Variants in KCTD19 observed in about 807,000 individuals in gnomAD.
The protein encoded by KCTD19 is BTB/POZ domain-containing protein KCTD19.
Under a neutral mutation model 103.5 loss-of-function variants are expected in KCTD19, and 67 were observed. The observed-to-expected ratio is 0.65, with a 90% CI of 0.53 to 0.79. The LOEUF (loss-of-function observed/expected upper bound fraction) is 0.79, where lower values mean the gene tolerates loss of function less well. Ranked by LOEUF, KCTD19 falls within the 30% of genes least tolerant of loss-of-function variation. The pLI, the probability that KCTD19 is intolerant of heterozygous loss-of-function variation, is 0.00. For synonymous variants in KCTD19, 439 were observed against 452.2 expected (o/e 0.97, Z 0.37); for missense variants, 980 against 1,136.1 (o/e 0.86, Z 1.98).
chr16:67,325,524 G>T (rs923890241), intron 1 of KCTD19, among the ~76,000 whole-genome samples: 1 of 151,786 alleles, frequency 6.6e-6, no homozygotes, highest in Non-Finnish European at 1.5e-5. Context: ...TTACAGACGT[G>T]AGCCACCACG....
rs765495942 is a variant in KCTD19, at chr16:67,297,542, G to A, written c.1108C>T (p.His370Tyr). The change falls in exon 7 of 16, where the codon CAT (histidine) becomes TAT (tyrosine). Residue 370 changes from histidine to tyrosine, a missense_variant. Physicochemically the swap from His to Tyr is moderately conservative, Grantham distance 83 (BLOSUM62 2). Coordinates refer to ENST00000304372, the MANE Select transcript of KCTD19 (RefSeq NM_001100915.3). ...GGTGCCAAAGTCCTTGGCTCCAGAT[G>A]AGTCTTCAAAGCAACTTTGATTGGC... is the stretch of plus-strand genomic sequence containing the variant. ...YEPIKVALKT[H>Y]LEPRTLAPMD... The A allele has an allele frequency of 1.4e-5, 23 of 1,614,090 alleles. No homozygotes were observed. The South Asian group carries it at 2.5e-4, about 18-fold the overall frequency.
chr16:67,295,978 C>T (rs1264196834), intron 8 of KCTD19, 181 bp downstream of exon 8: 9 of 569,188 alleles, frequency 1.6e-5, no homozygotes, highest in South Asian at 3.8e-5. Context: ...CTCCTGATCT[C>T]GTGATCTGCC....
intron 2 of KCTD19, among the ~76,000 whole-genome samples, chr16:67,315,337 A>C (rs1597399432): frequency 1.4e-5 from 2 of 143,794 alleles, no homozygotes; most frequent in African/African-American, 2.6e-5. Flanking sequence ...GGATAGTCTC[A>C]CTCTGTTGCC....
chr16:67,323,584 C>T lies in KCTD19; in HGVS notation c.4-2699G>A, dbSNP rs766925162. ...ACATGATAACAACATGGATGAAATT[C>T]GAAACATTATGCCAAGGGAAAGAAG... On this transcript the variant is annotated intron_variant, in intron 1 of 15. Transcript: ENST00000304372. The surrounding 1 kb of genome is among the most constrained non-coding windows in gnomAD (Gnocchi z 4.1). 2.6e-5 allele frequency among the ~76,000 whole-genome samples: 4 copies of T among 152,012 alleles called. No individual in the cohort carries two copies. The highest frequency in any genetic ancestry group is 4.8e-5 in the African/African-American group (2 of 41,376).
intron 2 of KCTD19, among the ~76,000 whole-genome samples, chr16:67,304,936 G>A (rs1280120796): frequency 6.6e-6 from 1 of 152,124 alleles, no homozygotes; most frequent in East Asian, 1.9e-4. Flanking sequence ...CCAAAGGGTT[G>A]AGATTACGGG....
chr16:67,325,525 A>G (rs2037141826), intron 1 of KCTD19, among the ~76,000 whole-genome samples: 1 of 151,754 alleles, frequency 6.6e-6, no homozygotes, highest in Non-Finnish European at 1.5e-5. Context: ...TACAGACGTG[A>G]GCCACCACGC....
intron 2 of KCTD19, among the ~76,000 whole-genome samples, chr16:67,312,751 A>G (rs2036962016): frequency 6.6e-6 from 1 of 152,162 alleles, no homozygotes; most frequent in African/African-American, 2.4e-5. Flanking sequence ...CATTCAATTC[A>G]TCAGCAAACC....
At chr16:67,302,351 A>C (rs937337363) in intron 4 of KCTD19, 5 of 188,654 alleles carry the variant, frequency 2.7e-5, no homozygotes, top group African/African-American at 1.2e-4. Context: ...TATGGGAGGC[A>C]GAGATGGAGC....
chr16:67,302,973 A>G (rs774125758), intron 4 of KCTD19, 173 bp downstream of exon 4: 23 of 616,490 alleles, frequency 3.7e-5, no homozygotes, highest in Non-Finnish European at 5.7e-5. Context: ...GTGAGATTCT[A>G]ATGCTGGAAT....
Position 67,313,925 on chromosome 16 carries a change from C to T in KCTD19, c.300+6664G>A, listed in dbSNP as rs758775415. On this transcript the variant is annotated intron_variant, in intron 2 of 15. Transcript: ENST00000304372. ...AGGCTGGGATGCAGTGGTGAAATCT[C>T]GGCTCACTACAGCCTTGAACTCCTG... 1.2e-4 allele frequency among the ~76,000 whole-genome samples: 18 copies of T among 151,500 alleles called. No homozygotes were observed. The South Asian group carries it at 3.4e-3, about 28-fold the overall frequency.
Position 67,323,512 on chromosome 16 carries a change from G to A in KCTD19, c.4-2627C>T, listed in dbSNP as rs142931476. ...CACTCCAGCCTGGGCGTCAGAGTGA[G>A]GCACGTCTCTAAAAAAATAAAAAAT... On this transcript the variant is annotated intron_variant, in intron 1 of 15. Coordinates refer to ENST00000304372, the MANE Select transcript of KCTD19 (RefSeq NM_001100915.3). This position sits in a 1 kb window ranked among gnomAD's most constrained non-coding sequence, Gnocchi z 4.1. 3.3e-4 allele frequency among the ~76,000 whole-genome samples: 50 copies of A among 152,166 alleles called. No individual in the cohort carries two copies. In the East Asian group the frequency reaches 9.5e-3, roughly 29 times the overall value.
At chr16:67,308,314 G>A (rs748840589) in intron 2 of KCTD19, among the ~76,000 whole-genome samples, 35 of 151,686 alleles carry the variant, frequency 2.3e-4, no homozygotes, top group Non-Finnish European at 4.4e-4. Flanking sequence ...ACAGCTGTGC[G>A]CCGCAACACC....
chr16:67,297,795 C>CTTGTATT (rs1478437149), intron 6 of KCTD19, 132 bp from the exon 7 acceptor site: 2 of 836,360 alleles, frequency 2.4e-6, no homozygotes, highest in African/African-American at 1.7e-5. Flanking sequence ...ACATCGTTTC[C>CTTGTATT]TTGTATTTTT....
At chr16:67,299,834 T>C in intron 5 of KCTD19, 1 of 509,938 alleles carries the variant, frequency 2.0e-6, no homozygotes, top group South Asian at 3.0e-5. Context: ...CATCTGAATT[T>C]CCTAAGTTTC....
Position 67,295,070 on chromosome 16 carries a change from G to C in KCTD19, c.1392-14C>G, listed in dbSNP as rs187644248. ...AGGGGCCATTCCCTGCAAACAACAAGGAGATATCCAGCTGGGCAGCTAGGA... is the reference window on the plus strand; with the variant it reads ...AGGGGCCATTCCCTGCAAACAACAACGAGATATCCAGCTGGGCAGCTAGGA... On this transcript the variant is annotated splice_polypyrimidine_tract_variant and intron_variant, in intron 9 of 15. Coordinates refer to ENST00000304372, the MANE Select transcript of KCTD19 (RefSeq NM_001100915.3). The C allele has an allele frequency of 4.3e-6, 7 of 1,611,444 alleles. No homozygotes were observed. The Admixed American group carries it at 1.2e-4, about 27-fold the overall frequency.
chr16:67,310,845 T>C (rs2036941674), intron 2 of KCTD19, among the ~76,000 whole-genome samples: 1 of 152,160 alleles, frequency 6.6e-6, no homozygotes, highest in African/African-American at 2.4e-5. Context: ...TCCAAATCCT[T>C]GACTGCCTTG....
chr16:67,295,524 T>A, intron 8 of KCTD19, 119 bp from the exon 9 acceptor site: 1 of 949,742 alleles, frequency 1.1e-6, no homozygotes, highest in Non-Finnish European at 1.5e-6. Flanking sequence ...GAGATTCCAT[T>A]TCCCTGTCTT....
intron 1 of KCTD19, 89 bp downstream of exon 1, chr16:67,326,616 T>G (rs2037178769): frequency 6.6e-7 from 1 of 1,521,760 alleles, no homozygotes; most frequent in Admixed American, 2.0e-5. Context: ...GAGCCAGGTC[T>G]CGAACCACTT....
intron 11 of KCTD19, among the ~76,000 whole-genome samples, 153 bp downstream of exon 11, chr16:67,294,427 G>A (rs1034742076): frequency 3.9e-5 from 6 of 152,168 alleles, no homozygotes; most frequent in African/African-American, 9.7e-5. Flanking sequence ...CCTCCTTCAC[G>A]GTTCAGAAGC....
Sources: allele counts gnomAD v4.1 joint callset (sites outside exome capture counted in the v4.1 genomes callset), GRCh38; gene constraint gnomAD v4.1.1; non-coding constraint Gnocchi (gnomAD v3.1); transcripts MANE v1.5; gene names NCBI Gene and HGNC (gene_info 2026-07-23, HGNC 2026-07-21).